SNTG1: variants seen among roughly 807,000 people sequenced by gnomAD.
SNTG1 encodes the protein syntrophin gamma 1, also known as gamma-1-syntrophin.
In SNTG1, 39 loss-of-function variants were observed where a neutral mutation model predicts 74.7. The ratio of observed to expected loss-of-function variants is 0.52; its 90% CI spans 0.40 to 0.68. The LOEUF (loss-of-function observed/expected upper bound fraction) is 0.68, where lower values mean the gene tolerates loss of function less well. Ranked by LOEUF, SNTG1 falls within the 30% of genes least tolerant of loss-of-function variation. The probability of loss-of-function intolerance (pLI) is 0.00; values close to 1 mark genes in which losing one functional copy is unlikely to be tolerated. For synonymous variants in SNTG1, 254 were observed against 217.1 expected, an observed-to-expected ratio of 1.17 and a Z score of -1.49; for missense variants, 685 against 609.5, an observed-to-expected ratio of 1.12 and a Z score of -1.30.
At chr8:50,700,680 T>C (rs2095420477) in intron 15 of SNTG1, among the ~76,000 whole-genome samples, 1 of 149,500 alleles carries the variant, frequency 6.7e-6, no homozygotes, top group Non-Finnish European at 1.5e-5. Flanking sequence ...AATACAACTT[T>C]CCCCCTCCTA....
At chr8:50,592,664 A>C (rs1318056445) in intron 13 of SNTG1, among the ~76,000 whole-genome samples, 1 of 152,224 alleles carries the variant, frequency 6.6e-6, no homozygotes, top group African/African-American at 2.4e-5. Context: ...ATAGATGTTC[A>C]TTAGTATTCA....
intron 15 of SNTG1, among the ~76,000 whole-genome samples, chr8:50,664,895 G>A (rs2095243137): frequency 6.6e-6 from 1 of 152,134 alleles, no homozygotes; most frequent in South Asian, 2.1e-4. Context: ...GTATAAAAAT[G>A]TACTCCCTAT....
intron 8 of SNTG1, among the ~76,000 whole-genome samples, chr8:50,458,369 G>T (rs2093527817): frequency 1.3e-5 from 2 of 152,046 alleles, no homozygotes; most frequent in South Asian, 2.1e-4. Context: ...TTAACACTTT[G>T]ATATCTATCT....
At chr8:50,162,198 G>A (rs1326825327) in intron 1 of SNTG1, among the ~76,000 whole-genome samples, 1 of 152,122 alleles carries the variant, frequency 6.6e-6, no homozygotes, top group African/African-American at 2.4e-5. Context: ...TAACCTGAGA[G>A]CAGGAAAATA....
chr8:50,786,287 T>C (rs895213032), intron 18 of SNTG1, among the ~76,000 whole-genome samples: 60 of 151,910 alleles, frequency 3.9e-4, no homozygotes, highest in Non-Finnish European at 8.8e-5. Flanking sequence ...TATCAAAAAA[T>C]TCTAAGGAAT....
chr8:50,649,249 A>G (rs909187950), intron 13 of SNTG1, among the ~76,000 whole-genome samples: 2 of 152,094 alleles, frequency 1.3e-5, no homozygotes, highest in Non-Finnish European at 2.9e-5. Context: ...AGTTCACATG[A>G]GAAGTGAGGA....
At chr8:50,455,611 A>T (rs4873459) in intron 8 of SNTG1, among the ~76,000 whole-genome samples, 110,711 of 152,148 alleles carry the variant, frequency 0.73, 44,200 homozygotes, top group Non-Finnish European at 0.89. Flanking sequence ...TATATGCCTA[A>T]GTCAATTTAA....
chr8:50,487,497 A>G (rs940236524), intron 8 of SNTG1, among the ~76,000 whole-genome samples: 1 of 152,230 alleles, frequency 6.6e-6, no homozygotes, highest in African/African-American at 2.4e-5. Context: ...ACCATGGAAT[A>G]CTATGCAGCC....
intron 1 of SNTG1, among the ~76,000 whole-genome samples, chr8:50,118,162 C>T (rs991798541): frequency 1.3e-5 from 2 of 152,128 alleles, no homozygotes; most frequent in Non-Finnish European, 1.5e-5. Context: ...CCTTAAATTT[C>T]CTAGTTGTTA....
At chr8:50,487,704 G>GA (rs1554544217) in intron 8 of SNTG1, among the ~76,000 whole-genome samples, 3 of 149,800 alleles carry the variant, frequency 2.0e-5, no homozygotes, top group Admixed American at 6.7e-5. Context: ...GGAGGGGGGG[G>GA]AGGGATAGCA....
chr8:50,275,639 A>G (rs2088053465), intron 2 of SNTG1, among the ~76,000 whole-genome samples: 1 of 152,142 alleles, frequency 6.6e-6, no homozygotes, highest in Non-Finnish European at 1.5e-5. Context: ...GGTAGAACCC[A>G]TGAATTTGTG....
chr8:50,297,042 A>G (rs2089416279), intron 2 of SNTG1, among the ~76,000 whole-genome samples: 1 of 152,154 alleles, frequency 6.6e-6, no homozygotes, highest in Non-Finnish European at 1.5e-5. Flanking sequence ...CACAGATTAG[A>G]ATACATGGCA....
At chr8:50,283,032 C>CAAATGTGTATGTGTACGGTA (rs2088566517) in intron 2 of SNTG1, among the ~76,000 whole-genome samples, 1 of 152,038 alleles carries the variant, frequency 6.6e-6, no homozygotes, top group Non-Finnish European at 1.5e-5. Context: ...ATCGTTTTTA[C>CAAATGTGTATGTGTACGGTA]AAATGTGTAT....
rs71235311 is a variant in SNTG1 at position 50,601,152 on chromosome 8, C to CAAAAAAAAAAAAAAAAAAAAA, written c.849+10247_849+10267dup. On this transcript the variant is annotated intron_variant, in intron 13 of 18. Coordinates refer to ENST00000642720, the MANE Select transcript of SNTG1 (RefSeq NM_018967.5). ...CAGCCTGGTGACAGAGCCAGCGAGA[C>CAAAAAAAAAAAAAAAAAAAAA]AAAAAAAAAAAAAAAAAAAAAAAAA... Among the ~76,000 whole-genome samples, 8 of 31,438 alleles carry CAAAAAAAAAAAAAAAAAAAAA rather than the reference C, an allele frequency of 2.5e-4. 2 individuals carry two copies. The highest frequency in any genetic ancestry group is 1.6e-3 in the African/African-American group (8 of 5,080). The allele number at this position is 31,438 out of a possible 152,430, so 20.6% of individuals were successfully genotyped here.
rs565109389 is a variant in SNTG1, at chr8:50,795,099, T to G, written c.*2270T>G. 6.6e-6 allele frequency: 1 copy of G among 152,058 alleles called. No homozygotes were observed. Among genetic ancestry groups the G allele is most frequent in the South Asian group, 2.1e-4 (1 of 4,824 alleles). The allele number at this position is 152,058 out of a possible 1,614,324, so 9.4% of individuals were successfully genotyped here. On this transcript the variant is annotated 3_prime_UTR_variant, in exon 19 of 19. Transcript: ENST00000642720. ...ATAAATATAATGAAATGCTGACCAT[T>G]AATTATATTAGAAGAATGTTTTGTG... is the stretch of plus-strand genomic sequence containing the variant.
At chr8:50,020,069 T>C (rs1042070285) in intron 1 of SNTG1, among the ~76,000 whole-genome samples, 4 of 152,162 alleles carry the variant, frequency 2.6e-5, no homozygotes, top group African/African-American at 9.6e-5. Flanking sequence ...TTTGTGCCAC[T>C]ATACTCTATC....
chr8:49,986,159 G>A (rs1463930050), intron 1 of SNTG1, among the ~76,000 whole-genome samples: 2 of 152,080 alleles, frequency 1.3e-5, no homozygotes, highest in Non-Finnish European at 2.9e-5. Context: ...TGGCATTAGG[G>A]TAATGTATAA....
chr8:50,169,654 C>T (rs943371303), intron 1 of SNTG1, among the ~76,000 whole-genome samples: 5 of 152,144 alleles, frequency 3.3e-5, no homozygotes, highest in African/African-American at 9.7e-5. Flanking sequence ...ATTAACCTAC[C>T]ATTTTTAGAT....
intron 1 of SNTG1, among the ~76,000 whole-genome samples, chr8:49,977,463 T>C (rs1376627802): frequency 6.6e-6 from 1 of 152,212 alleles, no homozygotes; most frequent in Non-Finnish European, 1.5e-5. Flanking sequence ...CCCAGCCCAG[T>C]GCTCTTACTA....
Sources: gnomAD v4.1 joint callset for allele counts (sites outside exome capture counted in the v4.1 genomes callset) on GRCh38, gnomAD v4.1.1 for gene constraint, MANE v1.5 for transcripts, NCBI Gene and HGNC (gene_info 2026-07-23, HGNC 2026-07-21) for gene names.